The following SLC22A11 variants were observed in gnomAD, a reference collection of about 807,000 sequenced individuals.
The protein encoded by SLC22A11 is organic anion transporter 4.
In SLC22A11, 42 loss-of-function variants were observed where a neutral mutation model predicts 49.4. The ratio of observed to expected loss-of-function variants is 0.85; its 90% confidence interval spans 0.66 to 1.10. The LOEUF is 1.10. Among genes scored for constraint, SLC22A11 ranks in the 50% least tolerant of loss-of-function variants. The pLI is 0.00. For missense variants in SLC22A11, 685 were observed against 731.6 expected, an observed-to-expected ratio of 0.94 and a Z score of 0.74; for synonymous variants, 304 against 315.8, an observed-to-expected ratio of 0.96 and a Z score of 0.40.
intron 1 of SLC22A11, 129 bp downstream of exon 1, chr11:64,556,521 C>T (rs1266778304): frequency 5.1e-6 from 7 of 1,385,338 alleles, no homozygotes; most frequent in South Asian, 1.4e-5. Context: ...AGCCCCTCGT[C>T]AGCCACACAC....
In SLC22A11 at chr11:64,562,206, G is replaced by C. The variant is rs1280420788; in HGVS notation, c.652+48G>C. ...TCCTGCCATGGGGGCGGGGGTGGCA[G>C]GAGAGAATGGGGCTCAGGCCGCCGC... On this transcript the variant is annotated intron_variant, in intron 3 of 9. Transcript: ENST00000301891. The surrounding 1 kb of genome is among the most constrained non-coding windows in gnomAD (Gnocchi z 4.4). 5.0e-6 allele frequency: 8 copies of C among 1,604,426 alleles called. No homozygotes were observed. In the Admixed American group the frequency reaches 1.3e-4, roughly 27 times the overall value.
At chr11:64,567,480 A>C in intron 6 of SLC22A11, 119 bp from the exon 7 acceptor site, 1 of 890,840 alleles carries the variant, frequency 1.1e-6, no homozygotes, top group Non-Finnish European at 1.8e-6. Flanking sequence ...AGACAAGCCC[A>C]GGATTGTCCT....
chr11:64,569,992 C>G, intron 9 of SLC22A11, 134 bp downstream of exon 9: 1 of 747,270 alleles, frequency 1.3e-6, no homozygotes, highest in South Asian at 1.8e-5. Context: ...ATCTTTCCAA[C>G]AATCCTGCCA....
At chr11:64,569,121 A>C (rs2038669301) in intron 8 of SLC22A11, among the ~76,000 whole-genome samples, 2 of 152,162 alleles carry the variant, frequency 1.3e-5, no homozygotes, top group Non-Finnish European at 2.9e-5. Flanking sequence ...GAGAGCCCCA[A>C]GTCACCTCCT....
rs1246190602 is a variant in SLC22A11 at position 64,565,098 on chromosome 11, TCC to T, written c.943-123_943-122del. ...CTCCCCTTCCCCTAGGGATCCAGCT[TCC>T]AGAGGCCGAGGCCCAGGACAGGCTC... On this transcript the variant is annotated intron_variant, in intron 5 of 9. Transcript: ENST00000301891. This position sits in a 1 kb window ranked among gnomAD's most constrained non-coding sequence, Gnocchi z 4.1. The T allele has an allele frequency of 4.2e-6, 3 of 719,456 alleles. No individual in the cohort carries two copies. The highest frequency in any genetic ancestry group is 1.8e-5 in the African/African-American group (1 of 55,782). The allele number at this position is 719,456 out of a possible 1,614,324, so 44.6% of individuals were successfully genotyped here.
rs1300806028 is a variant in SLC22A11 at position 64,567,553 on chromosome 11, C to T, written c.1059-46C>T. 1.9e-6 allele frequency: 3 copies of T among 1,584,502 alleles called. No individual in the cohort carries two copies. The African/African-American group carries it at 4.0e-5, about 21-fold the overall frequency. Reference sequence around the variant, plus strand: ...GGAGGTGCTGTTGCTGTTGGGGTGCCCTCTCCCCGGCAGGGCAGGGACCTG... The same window carrying T: ...GGAGGTGCTGTTGCTGTTGGGGTGCTCTCTCCCCGGCAGGGCAGGGACCTG... On this transcript the variant is annotated intron_variant, in intron 6 of 9. Transcript: ENST00000301891.
In SLC22A11 at chr11:64,557,724, C is replaced by T. The variant is rs117643752; in HGVS notation, c.393+1332C>T. ...ATGACTGCCTGCAGCCTCTAACTCC[C>T]GGCCTCCAATGATCCTCGTGGCTTG... On this transcript the variant is annotated intron_variant, in intron 1 of 9. Transcript: ENST00000301891. 5.8e-4 allele frequency among the ~76,000 whole-genome samples: 87 copies of T among 150,584 alleles called. No homozygotes were observed. In the East Asian group the frequency reaches 0.013, roughly 22 times the overall value.
At position 64,568,573 on chromosome 11, in the gene SLC22A11, C is replaced by T. The variant is rs978099747; in HGVS notation, c.1274-97C>T. 15 of 986,064 alleles carry T rather than the reference C, an allele frequency of 1.5e-5. No homozygotes were observed. In the African/African-American group the frequency reaches 2.4e-4, roughly 16 times the overall value. The allele number at this position is 986,064 out of a possible 1,614,324, so 61.1% of individuals were successfully genotyped here. A position where few individuals can be genotyped will look rare whatever the true frequency, so the allele number is the denominator to read the frequency against. On this transcript the variant is annotated intron_variant, in intron 7 of 9. Transcript: ENST00000301891. ...CAGGGCCGGGGACTTGTAGGGAGCC[C>T]AGGGTCCCCTCTGCTCCAGGCTGGC...
Position 64,571,239 on chromosome 11 carries a change from G to T in SLC22A11, c.*197G>T. On this transcript the variant is annotated 3_prime_UTR_variant, in exon 10 of 10. Coordinates refer to ENST00000301891, the MANE Select transcript of SLC22A11 (RefSeq NM_018484.4). ...TCCACAGCTCACTCCTCTTCTCCCTGCCCTGATCAGATTCCCCACCTTACC... is the reference window on the plus strand; with the variant it reads ...TCCACAGCTCACTCCTCTTCTCCCTTCCCTGATCAGATTCCCCACCTTACC... 1.7e-6 allele frequency: 1 copy of T among 598,290 alleles called. No homozygotes were observed. Among genetic ancestry groups the T allele is most frequent in the East Asian group, 2.8e-5 (1 of 35,620 alleles). The allele number at this position is 598,290 out of a possible 1,614,324, so 37.1% of individuals were successfully genotyped here.
chr11:64,562,836 C>T lies in SLC22A11; in HGVS notation c.821+401C>T, dbSNP rs3782098. Among the ~76,000 whole-genome samples, 13 of 152,322 alleles carry T rather than the reference C, an allele frequency of 8.5e-5. No homozygotes were observed. Among genetic ancestry groups the T allele is most frequent in the Admixed American group, 5.9e-4 (9 of 15,306 alleles). The stretch of plus-strand genomic sequence containing the variant: ...GAACTTCGGCCACAGTGGAAGCGGC[C>T]GCTCTCCCGGTCCCCAAGGCCCCAC... On this transcript the variant is annotated intron_variant, in intron 4 of 9. Coordinates refer to ENST00000301891, the MANE Select transcript of SLC22A11 (RefSeq NM_018484.4). This position sits in a 1 kb window ranked among gnomAD's most constrained non-coding sequence, Gnocchi z 4.4.
chr11:64,568,601 GC>G, intron 7 of SLC22A11, 68 bp from the exon 8 acceptor site: 1 of 1,332,754 alleles, frequency 7.5e-7, no homozygotes, highest in Non-Finnish European at 1.1e-6. Flanking sequence ...AGGCTGGCTG[GC>G]CGCACACTGA....
chr11:64,564,075 C>T lies in SLC22A11; in HGVS notation c.822-233C>T, dbSNP rs1004268314. On this transcript the variant is annotated intron_variant, in intron 4 of 9. Transcript: ENST00000301891. The surrounding 1 kb of genome is among the most constrained non-coding windows in gnomAD (Gnocchi z 4.2). ...GGTGGGCAGGCCCCGGGCAGCCAGG[C>T]GAGCCAGATGGAGGTGGCTCGCTTG... Among the ~76,000 whole-genome samples, 6 of 152,284 alleles carry T rather than the reference C, an allele frequency of 3.9e-5. No individual in the cohort carries two copies. The highest frequency in any genetic ancestry group is 3.4e-3 in the Middle Eastern group (1 of 294).
At position 64,568,767 on chromosome 11, in the gene SLC22A11, A is replaced by G. The variant is rs151223525; in HGVS notation, c.1371A>G (p.Pro457=). Residue 457 remains proline (P), a synonymous_variant, in exon 8 of 10, where the codon CCA becomes CCG. Coordinates refer to ENST00000301891, the MANE Select transcript of SLC22A11 (RefSeq NM_018484.4). The part of the protein sequence containing the change: ...CLTIYKAELF[P]TPVRMTADGI... ...CCATCTACAAGGCTGAACTCTTTCC[A>G]ACGCCAGTGCGGTAAGCTGGGCTGC... The G allele has an allele frequency of 8.7e-6, 14 of 1,613,654 alleles. No individual in the cohort carries two copies. The highest frequency in any genetic ancestry group is 1.3e-5 in the African/African-American group (1 of 74,880).
At position 64,562,417 on chromosome 11, in the gene SLC22A11, C is replaced by T. The variant is rs992205260; in HGVS notation, c.803C>T (p.Ala268Val). The T allele has an allele frequency of 1.9e-6, 3 of 1,589,574 alleles. No individual in the cohort carries two copies. The highest frequency in any genetic ancestry group is 2.6e-6 in the Non-Finnish European group (3 of 1,166,750). Residue 268 changes from alanine (A) to valine (V), a missense_variant, in exon 4 of 10, where the codon GCC (alanine) becomes GTC (valine). Coordinates refer to ENST00000301891, the MANE Select transcript of SLC22A11 (RefSeq NM_018484.4). This position sits in a 1 kb window ranked among gnomAD's most constrained non-coding sequence, Gnocchi z 4.4. ...CTGGCAGCATCAGTGCCCTTCTTTG[C>T]CATCTCCCTGATATCCTGGTCAGTA... ...LQLAASVPFF[A>V]ISLISWWLPE...
chr11:64,567,587 C>G lies in SLC22A11; in HGVS notation c.1059-12C>G. 1 of 1,612,836 alleles carries G rather than the reference C, an allele frequency of 6.2e-7. No homozygotes were observed. Among genetic ancestry groups the G allele is most frequent in the African/African-American group, 1.3e-5 (1 of 75,026 alleles). On this transcript the variant is annotated splice_polypyrimidine_tract_variant and intron_variant, in intron 6 of 9. Coordinates refer to ENST00000301891, the MANE Select transcript of SLC22A11 (RefSeq NM_018484.4). ...GGCAGGGCAGGGACCTGACTTCCAGCCTTGCCCGCAGTTTCTCTCTATTGA... is the reference window on the plus strand; with the variant it reads ...GGCAGGGCAGGGACCTGACTTCCAGGCTTGCCCGCAGTTTCTCTCTATTGA...
At chr11:64,558,543 C>G (rs2038495199) in intron 1 of SLC22A11, among the ~76,000 whole-genome samples, 1 of 152,208 alleles carries the variant, frequency 6.6e-6, no homozygotes, top group African/African-American at 2.4e-5. Flanking sequence ...GTGCCAAGCT[C>G]TCTCTAGTCA....
chr11:64,569,842 C>G lies in SLC22A11; in HGVS notation c.1573C>G (p.Gln525Glu). ...GGGACTTCCGCTCCCTGACACTATC[C>G]AGGACCTGGAGAGCCAGTGAGTGAC... ...TQGLPLPDTI[Q>E]DLESQKSTAA... Residue 525 changes from glutamine to glutamate, a missense_variant, in exon 9 of 10, where the codon CAG (glutamine) becomes GAG (glutamate). Physicochemically the swap from Gln to Glu is conservative, Grantham distance 29 (BLOSUM62 2). Transcript: ENST00000301891. 6.2e-7 allele frequency: 1 copy of G among 1,613,344 alleles called. No individual in the cohort carries two copies. The highest frequency in any genetic ancestry group is 8.5e-7 in the Non-Finnish European group (1 of 1,180,010).
In SLC22A11 at chr11:64,565,515, G is replaced by A. The variant is rs1161952433; in HGVS notation, c.1058+178G>A. The A allele has an allele frequency of 1.5e-6, 1 of 671,980 alleles. No individual in the cohort carries two copies. Among genetic ancestry groups the A allele is most frequent in the Non-Finnish European group, 2.7e-6 (1 of 366,754 alleles). The allele number at this position is 671,980 out of a possible 1,614,324, so 41.6% of individuals were successfully genotyped here. ...CAGGCAGGAGTCCTGGCAGGCAGCA[G>A]AGAGGGACTATGCACAGGTGGGATC... On this transcript the variant is annotated intron_variant, in intron 6 of 9. Transcript: ENST00000301891. The surrounding 1 kb of genome is among the most constrained non-coding windows in gnomAD (Gnocchi z 4.1).
chr11:64,568,655 C>A lies in SLC22A11; in HGVS notation c.1274-15C>A, dbSNP rs374384095. The A allele has an allele frequency of 9.9e-6, 16 of 1,612,202 alleles. No homozygotes were observed. In the East Asian group the frequency reaches 1.6e-4, roughly 16 times the overall value. ...TCCAGGGCAAACCCCACTCTCACCC[C>A]CTTCCTGTACCCAGATTTGCAGACC... On this transcript the variant is annotated splice_polypyrimidine_tract_variant and intron_variant, in intron 7 of 9. Transcript: ENST00000301891.
Sources: allele counts gnomAD v4.1 joint callset (sites outside exome capture counted in the v4.1 genomes callset), GRCh38; gene constraint gnomAD v4.1.1; non-coding constraint Gnocchi (gnomAD v3.1); transcripts MANE v1.5; gene names NCBI Gene and HGNC (gene_info 2026-07-23, HGNC 2026-07-21).